Variants in CAST observed in about 807,000 individuals in gnomAD.
CAST encodes the protein calpastatin.
CAST carries 76 observed loss-of-function variants against 119.6 expected under a neutral mutation model. The ratio of observed to expected loss-of-function variants is 0.64; its 90% CI spans 0.53 to 0.77. The LOEUF (loss-of-function observed/expected upper bound fraction) is 0.77. CAST is among the 30% of genes least tolerant of loss of function. The pLI is 0.00. For synonymous variants in CAST, 319 were observed against 331.6 expected, an observed-to-expected ratio of 0.96 and a Z score of 0.41; for missense variants, 953 against 946.5, an observed-to-expected ratio of 1.01 and a Z score of -0.09.
the CAST span, among the ~76,000 whole-genome samples, chr5:96,337,743 A>G: frequency 1.3e-5 from 2 of 152,228 alleles, no homozygotes; most frequent in African/African-American, 2.4e-5. Flanking sequence ...GAATCCAGCA[A>G]CCTGAACCTT....
At chr5:96,265,812 G>T in the CAST span, among the ~76,000 whole-genome samples, 2 of 152,022 alleles carry the variant, frequency 1.3e-5, no homozygotes, top group African/African-American at 4.8e-5. Flanking sequence ...CGTCTTGTTT[G>T]TTTGCCATCT....
At chr5:96,243,911 G>T in the CAST span, among the ~76,000 whole-genome samples, 2 of 152,108 alleles carry the variant, frequency 1.3e-5, no homozygotes, top group Non-Finnish European at 2.9e-5. Flanking sequence ...CTTTTCCTGA[G>T]AATTACCTAC....
At chr5:95,961,623 C>T in the CAST span, 14 of 1,608,586 alleles carry the variant, frequency 8.7e-6, no homozygotes, top group East Asian at 3.2e-4. Flanking sequence ...TCTCGGTGAG[C>T]TTCACATGCA....
At chr5:96,739,400 T>C (rs992618418) in intron 11 of CAST, among the ~76,000 whole-genome samples, 1 of 152,234 alleles carries the variant, frequency 6.6e-6, no homozygotes, top group Non-Finnish European at 1.5e-5. Flanking sequence ...GGATTATTCA[T>C]GTATCAACAT....
chr5:96,602,355 C>T (rs1283433563), intron 1 of CAST, among the ~76,000 whole-genome samples: 5 of 152,270 alleles, frequency 3.3e-5, no homozygotes, highest in South Asian at 4.1e-4. Flanking sequence ...AATGAAGCAG[C>T]GTCAGATAAG....
intron 1 of CAST, among the ~76,000 whole-genome samples, chr5:96,599,975 A>AAAAAAAAG (rs1561426822): frequency 2.8e-5 from 4 of 140,508 alleles, no homozygotes; most frequent in Admixed American, 7.0e-5. Context: ...GCAAAAAAAA[A>AAAAAAAAG]AAAAAAAACC....
the CAST span, among the ~76,000 whole-genome samples, chr5:96,494,921 T>A: frequency 2.6e-5 from 4 of 151,800 alleles, no homozygotes; most frequent in Non-Finnish European, 4.4e-5. Context: ...CTCGAGACCA[T>A]CCTGGCTAAC....
At chr5:96,091,285 C>A in the CAST span, among the ~76,000 whole-genome samples, 2 of 149,680 alleles carry the variant, frequency 1.3e-5, no homozygotes, top group East Asian at 4.0e-4. Flanking sequence ...TCACTGCAAC[C>A]TCTACCTCCC....
the CAST span, among the ~76,000 whole-genome samples, chr5:96,473,340 C>T: frequency 6.6e-6 from 1 of 152,206 alleles, no homozygotes; most frequent in Non-Finnish European, 1.5e-5. Flanking sequence ...ATAAAAGGAG[C>T]TCCTAATCAG....
At chr5:96,011,533 T>C in the CAST span, among the ~76,000 whole-genome samples, 1 of 152,180 alleles carries the variant, frequency 6.6e-6, no homozygotes, top group African/African-American at 2.4e-5. Flanking sequence ...AGTGTGATGA[T>C]GCTGCCAGGA....
chr5:96,653,992 A>T (rs1327400013), intron 1 of CAST, among the ~76,000 whole-genome samples: 12 of 134,586 alleles, frequency 8.9e-5, no homozygotes, highest in South Asian at 2.4e-4. Flanking sequence ...CTTCCCTTGT[A>T]TCTCTCCTTT....
the CAST span, among the ~76,000 whole-genome samples, chr5:96,008,764 A>G: frequency 6.6e-6 from 1 of 152,232 alleles, no homozygotes; most frequent in Non-Finnish European, 1.5e-5. Context: ...GCCTACATGG[A>G]GGAAAACAAT....
chr5:96,114,291 C>T, the CAST span, among the ~76,000 whole-genome samples: 23 of 152,262 alleles, frequency 1.5e-4, no homozygotes, highest in African/African-American at 3.9e-4. Context: ...GCAATGTCTA[C>T]AACACCTGGC....
the CAST span, among the ~76,000 whole-genome samples, chr5:96,288,542 G>A: frequency 6.6e-6 from 1 of 152,108 alleles, no homozygotes; most frequent in African/African-American, 2.4e-5. Context: ...TTTGAACTAG[G>A]TTAATGTTAA....
chr5:95,993,926 A>ATTAAATTAATTTAAAT, the CAST span, among the ~76,000 whole-genome samples: 7 of 152,044 alleles, frequency 4.6e-5, no homozygotes, highest in African/African-American at 1.7e-4. Context: ...ATTAATTTAA[A>ATTAAATTAATTTAAAT]TTAAATTAAT....
chr5:96,392,854 T>A, the CAST span: 116 of 785,928 alleles, frequency 1.5e-4, no homozygotes, highest in Non-Finnish European at 1.9e-4. Flanking sequence ...CCCCTTCACA[T>A]GTACAGTTTA....
At chr5:96,490,380 G>GTGTA in the CAST span, among the ~76,000 whole-genome samples, 1 of 150,988 alleles carries the variant, frequency 6.6e-6, no homozygotes, top group Non-Finnish European at 1.5e-5. Flanking sequence ...GTGTGTGTGT[G>GTGTA]TATGTAAACA....
At chr5:96,619,639 C>T (rs770330964) in intron 1 of CAST, among the ~76,000 whole-genome samples, 10 of 152,222 alleles carry the variant, frequency 6.6e-5, no homozygotes, top group Non-Finnish European at 1.2e-4. Context: ...AGGTCTACAG[C>T]TTCACTCCTG....
At chr5:95,980,419 T>C in the CAST span, 1 of 152,220 alleles carries the variant, frequency 6.6e-6, no homozygotes, top group Non-Finnish European at 1.5e-5. Flanking sequence ...ACTGGGCCCA[T>C]GCATCTGCCA....
Sources: gnomAD v4.1 joint callset for allele counts (sites outside exome capture counted in the v4.1 genomes callset) on GRCh38, gnomAD v4.1.1 for gene constraint, MANE v1.5 for transcripts, NCBI Gene and HGNC (gene_info 2026-07-23, HGNC 2026-07-21) for gene names.